The following BEST3 variants were observed in gnomAD, a reference collection of about 807,000 sequenced individuals.
The protein encoded by BEST3 is bestrophin-3.
Under a neutral mutation model 47.1 loss-of-function variants are expected in BEST3, and 50 were observed. The ratio of observed to expected loss-of-function variants is 1.06; its 90% CI spans 0.85 to 1.34. BEST3 has a LOEUF of 1.34. BEST3 is among the 40% of genes most tolerant of loss of function. The pLI is 0.00. For missense variants in BEST3, 765 were observed against 817.0 expected, an observed-to-expected ratio of 0.94 and a Z score of 0.78; for synonymous variants, 282 against 298.8, an observed-to-expected ratio of 0.94 and a Z score of 0.58.
intron 4 of BEST3, chr12:69,684,647 C>G (rs949347714): frequency 1.6e-6 from 1 of 617,050 alleles, no homozygotes; most frequent in South Asian, 1.9e-5. Flanking sequence ...CTGAGCCCTT[C>G]TCCAAGGGAT....
downstream of BEST3, among the ~76,000 whole-genome samples, chr12:69,652,418 T>C (rs1883240531): frequency 1.3e-5 from 2 of 152,180 alleles, no homozygotes; most frequent in Admixed American, 1.3e-4. Context: ...CTGTGTTGAG[T>C]AAAAACTCAT....
rs191379337 is a variant in BEST3, at chr12:69,667,515, C to T, written c.1100+3913G>A. Among the ~76,000 whole-genome samples the T allele has an allele frequency of 3.6e-4, 55 of 152,222 alleles. No homozygotes were observed. The East Asian group carries it at 7.0e-3, about 19-fold the overall frequency. Reference sequence around the variant, plus strand: ...TTCACCATGTTGGCCAGGCTGGTCTCGAACTGCTGACCTCAACTGATCCAC... The same window carrying T: ...TTCACCATGTTGGCCAGGCTGGTCTTGAACTGCTGACCTCAACTGATCCAC... On this transcript the variant is annotated intron_variant, in intron 9 of 9. Coordinates refer to ENST00000330891, the MANE Select transcript of BEST3 (RefSeq NM_032735.3).
chr12:69,643,985 T>C (rs957852625), intron 9 of BEST3, among the ~76,000 whole-genome samples: 3 of 152,180 alleles, frequency 2.0e-5, no homozygotes, highest in Non-Finnish European at 4.4e-5. Context: ...TGGTCTTGCA[T>C]TGGATCTTCA....
rs116338539 is a variant in BEST3 at position 69,688,665 on chromosome 12, C to A, written c.481+5009G>T. ...TGCTTCAGAAGGAGGTGCTGGTCCT[C>A]ACTCTTGGCCCTCTCGCTTATTTCC... On this transcript the variant is annotated intron_variant, in intron 4 of 9. Transcript: ENST00000330891. 5.3e-3 allele frequency among the ~76,000 whole-genome samples: 811 copies of A among 152,306 alleles called. 6 individuals are homozygous for A. The highest frequency in any genetic ancestry group is 0.018 in the African/African-American group (756 of 41,570).
downstream of BEST3, among the ~76,000 whole-genome samples, chr12:69,651,794 A>G (rs1196443643): frequency 7.4e-6 from 1 of 135,326 alleles, no homozygotes; most frequent in Admixed American, 7.4e-5. Context: ...AAGAAAAAAA[A>G]AAAAAGAAAG....
intron 9 of BEST3, among the ~76,000 whole-genome samples, chr12:69,659,152 C>T (rs1271960400): frequency 1.3e-5 from 2 of 152,066 alleles, no homozygotes; most frequent in Admixed American, 6.5e-5. Flanking sequence ...GTGAATGATG[C>T]CCTCCAGGTC....
intron 4 of BEST3, among the ~76,000 whole-genome samples, chr12:69,686,771 C>CAAAAAAACAAAAA (rs376779536): frequency 2.0e-5 from 1 of 49,938 alleles, no homozygotes; most frequent in Non-Finnish European, 3.4e-5. Flanking sequence ...GATTCTGCCT[C>CAAAAAAACAAAAA]AAAAAAACAA....
At position 69,678,907 on chromosome 12, in the gene BEST3, T is replaced by A. The variant is rs760869583; in HGVS notation, c.482-14A>T. ...TTGTCATAAAACCTTTACAAAAAAA[T>A]AAAAATCGGTAGGTATACAGACTTA... is the stretch of plus-strand genomic sequence containing the variant. On this transcript the variant is annotated splice_polypyrimidine_tract_variant and intron_variant, in intron 4 of 9. Transcript: ENST00000330891. 6.2e-7 allele frequency: 1 copy of A among 1,605,002 alleles called. No homozygotes were observed. Among genetic ancestry groups the A allele is most frequent in the Non-Finnish European group, 8.5e-7 (1 of 1,173,840 alleles).
chr12:69,684,981 G>GTTTA (rs1555208084), intron 4 of BEST3, among the ~76,000 whole-genome samples: 2 of 142,092 alleles, frequency 1.4e-5, no homozygotes, highest in Non-Finnish European at 3.1e-5. Context: ...GCTTTCTGCT[G>GTTTA]TTCTATTCTA....
chr12:69,668,750 G>A (rs1944851029), intron 9 of BEST3, among the ~76,000 whole-genome samples: 1 of 152,192 alleles, frequency 6.6e-6, no homozygotes, highest in African/African-American at 2.4e-5. Flanking sequence ...GCCATGAATA[G>A]TCAAAATATT....
intron 4 of BEST3, among the ~76,000 whole-genome samples, chr12:69,687,881 T>C (rs1462089752): frequency 6.6e-6 from 1 of 152,198 alleles, no homozygotes. Flanking sequence ...AGATTTGTAG[T>C]AAATTTTACT....
downstream of BEST3, among the ~76,000 whole-genome samples, chr12:69,648,895 G>T (rs1883124138): frequency 6.6e-6 from 1 of 152,196 alleles, no homozygotes; most frequent in African/African-American, 2.4e-5. Flanking sequence ...GATACAGTTT[G>T]TTCAGTCCTC....
chr12:69,655,274 C>G lies in BEST3; in HGVS notation c.1640G>C (p.Gly547Ala). 6.2e-7 allele frequency: 1 copy of G among 1,614,156 alleles called. No homozygotes were observed. Among genetic ancestry groups the G allele is most frequent in the Non-Finnish European group, 8.5e-7 (1 of 1,180,018 alleles). ...CTTCTCTGAGGGAGACAGGATGGAT[C>G]CCATGGGGCCCTGCTGCTGCTCAGT... ...SKTEQQQGPM[G>A]SILSPSEKET... The change falls in exon 10 of 10, where the codon GGA becomes GCA. Residue 547 changes from glycine to alanine, a missense_variant. Transcript: ENST00000330891.
chr12:69,685,209 A>G (rs770396977), intron 4 of BEST3, among the ~76,000 whole-genome samples: 16 of 152,296 alleles, frequency 1.1e-4, no homozygotes, highest in East Asian at 3.9e-4. Flanking sequence ...CCTCTATTAT[A>G]TTGATATGAG....
intron 9 of BEST3, chr12:69,669,651 CT>C (rs1884439502): frequency 6.6e-6 from 1 of 152,142 alleles, no homozygotes; most frequent in Non-Finnish European, 1.5e-5. Flanking sequence ...TCATCATGCT[CT>C]ATGATTTTAT....
In BEST3 at chr12:69,699,302, T is replaced by C; in HGVS notation, c.-113A>G. On this transcript the variant is annotated 5_prime_UTR_variant, in exon 1 of 10. Coordinates refer to ENST00000330891, the MANE Select transcript of BEST3 (RefSeq NM_032735.3). ...TCAGGTCGGTGCTGCACGCCCGGTG[T>C]CACCCTTCGCTCGTGCACAGTCAGA... 1 of 985,420 alleles carries C rather than the reference T, an allele frequency of 1.0e-6. No homozygotes were observed. Among genetic ancestry groups the C allele is most frequent in the Non-Finnish European group, 1.2e-6 (1 of 829,934 alleles). 61.0% of individuals were successfully genotyped at this position (985,420 alleles called of 1,614,324 possible).
downstream of BEST3, among the ~76,000 whole-genome samples, chr12:69,651,804 G>GA (rs1883220364): frequency 7.0e-6 from 1 of 142,108 alleles, no homozygotes; most frequent in Non-Finnish European, 1.6e-5. Context: ...AAAAAAGAAA[G>GA]AAAAAAATTG....
chr12:69,696,895 TA>T (rs1473127012), intron 2 of BEST3, among the ~76,000 whole-genome samples: 1 of 152,112 alleles, frequency 6.6e-6, no homozygotes, highest in African/African-American at 2.4e-5. Flanking sequence ...TCAATTTTAA[TA>T]AAAAAAGCTT....
At chr12:69,694,132 G>A (rs760987595) in intron 3 of BEST3, 1 of 568,944 alleles carries the variant, frequency 1.8e-6, no homozygotes, top group Non-Finnish European at 3.1e-6. Flanking sequence ...TGCAAAAATG[G>A]AGAGTTAGTG....
Sources: allele counts gnomAD v4.1 joint callset (sites outside exome capture counted in the v4.1 genomes callset), GRCh38; gene constraint gnomAD v4.1.1; transcripts MANE v1.5; gene names NCBI Gene and HGNC (gene_info 2026-07-23, HGNC 2026-07-21).